CTNND2: variants seen among roughly 807,000 people sequenced by gnomAD.
The protein encoded by CTNND2 is catenin delta 2.
Under a neutral mutation model 144.4 loss-of-function variants are expected in CTNND2, and 22 were observed. The ratio of observed to expected loss-of-function variants is 0.15; its 90% CI spans 0.11 to 0.22. CTNND2 has a LOEUF of 0.22. Ranked by LOEUF, CTNND2 falls within the 10% of genes least tolerant of loss-of-function variation. CTNND2 has a pLI of 1.00. For missense variants in CTNND2, 1,353 were observed against 1,618.8 expected, an observed-to-expected ratio of 0.84 and a Z score of 2.82; for synonymous variants, 751 against 695.6, an observed-to-expected ratio of 1.08 and a Z score of -1.25.
chr5:11,212,831 G>T (rs1738778176), intron 10 of CTNND2, among the ~76,000 whole-genome samples: 1 of 152,176 alleles, frequency 6.6e-6, no homozygotes, highest in African/African-American at 2.4e-5. Context: ...GAGACAGGGA[G>T]CGTGGGGGAT....
At chr5:11,692,575 G>C (rs1784957040) in intron 2 of CTNND2, among the ~76,000 whole-genome samples, 1 of 152,152 alleles carries the variant, frequency 6.6e-6, no homozygotes, top group Non-Finnish European at 1.5e-5. Flanking sequence ...AACGCCATTA[G>C]GTGGAATTTG....
At chr5:11,201,875 G>A (rs1399456167) in intron 10 of CTNND2, among the ~76,000 whole-genome samples, 3 of 152,200 alleles carry the variant, frequency 2.0e-5, no homozygotes, top group Non-Finnish European at 4.4e-5. Context: ...ACCCAAGAGA[G>A]ATGATGTTTG....
At chr5:11,165,614 A>T (rs1201316166) in intron 11 of CTNND2, among the ~76,000 whole-genome samples, 1 of 152,160 alleles carries the variant, frequency 6.6e-6, no homozygotes, top group East Asian at 1.9e-4. Flanking sequence ...ATCAGTGTAA[A>T]ATTATTGCTG....
At position 10,992,573 on chromosome 5, in the gene CTNND2, G is replaced by A. The variant is rs545142229; in HGVS notation, c.3189C>T (p.Arg1063=). The A allele has an allele frequency of 1.4e-5, 22 of 1,613,966 alleles. No homozygotes were observed. The highest frequency in any genetic ancestry group is 3.3e-5 in the Admixed American group (2 of 60,008). The part of the protein sequence containing the change: ...SSRTPSISPV[R]VSPNNRSASA... ...TACCTGAGCGGTTGTTGGGAGACAC[G>A]CGCACAGGGGAGATGGAGGGCGTGC... Residue 1063 remains arginine, a synonymous_variant, in exon 19 of 22, where the codon CGC becomes CGT. Coordinates refer to ENST00000304623, the MANE Select transcript of CTNND2 (RefSeq NM_001332.4).
At chr5:11,094,778 T>C (rs1193969289) in intron 15 of CTNND2, among the ~76,000 whole-genome samples, 1 of 152,214 alleles carries the variant, frequency 6.6e-6, no homozygotes, top group African/African-American at 2.4e-5. Context: ...CTTGCATTTT[T>C]TAACATGTTG....
chr5:11,386,006 G>T (rs1311460177), intron 6 of CTNND2: 1 of 152,138 alleles, frequency 6.6e-6, no homozygotes, highest in Non-Finnish European at 1.5e-5. Flanking sequence ...CTGCAGCTGT[G>T]TCTTCAAACT....
intron 1 of CTNND2, among the ~76,000 whole-genome samples, chr5:11,734,997 G>A (rs1025373337): frequency 4.6e-5 from 7 of 152,148 alleles, no homozygotes; most frequent in African/African-American, 1.7e-4. Flanking sequence ...TATCACCAAT[G>A]GGGATTGGAA....
intron 12 of CTNND2, among the ~76,000 whole-genome samples, chr5:11,145,501 G>C (rs1455743669): frequency 6.6e-6 from 1 of 152,104 alleles, no homozygotes; most frequent in Non-Finnish European, 1.5e-5. Flanking sequence ...TTTTACACCT[G>C]TCCATATCAC....
At chr5:11,586,727 A>G (rs1053701697) in intron 2 of CTNND2, among the ~76,000 whole-genome samples, 1 of 152,210 alleles carries the variant, frequency 6.6e-6, no homozygotes, top group Non-Finnish European at 1.5e-5. Flanking sequence ...CAAATGGGCA[A>G]ATATATATTT....
intron 10 of CTNND2, among the ~76,000 whole-genome samples, chr5:11,214,973 T>C (rs1739021238): frequency 1.3e-5 from 2 of 152,208 alleles, no homozygotes; most frequent in Admixed American, 6.5e-5. Context: ...TCCGCTTCCA[T>C]CCTCACCCAG....
At chr5:11,668,897 C>T (rs1205761870) in intron 2 of CTNND2, among the ~76,000 whole-genome samples, 2 of 151,844 alleles carry the variant, frequency 1.3e-5, no homozygotes, top group African/African-American at 4.8e-5. Flanking sequence ...TAGTGGCTGT[C>T]GGATTACCAT....
chr5:11,316,464 A>AT (rs113458951), intron 9 of CTNND2, among the ~76,000 whole-genome samples: 91 of 60,262 alleles, frequency 1.5e-3, no homozygotes, highest in South Asian at 9.2e-3. Context: ...CTTATCCACT[A>AT]TTTTTTATTA....
At chr5:11,458,075 T>G (rs908810245) in intron 3 of CTNND2, among the ~76,000 whole-genome samples, 1 of 152,142 alleles carries the variant, frequency 6.6e-6, no homozygotes, top group Non-Finnish European at 1.5e-5. Flanking sequence ...AGTTCATATG[T>G]GAAAGAGCCA....
chr5:11,065,969 C>T (rs1747526211), intron 16 of CTNND2, among the ~76,000 whole-genome samples: 1 of 151,980 alleles, frequency 6.6e-6, no homozygotes, highest in African/African-American at 2.4e-5. Context: ...GAATAGGAAA[C>T]ATTTGTCATC....
chr5:11,771,321 A>G (rs1789922654), intron 1 of CTNND2, among the ~76,000 whole-genome samples: 1 of 151,518 alleles, frequency 6.6e-6, no homozygotes, highest in African/African-American at 2.4e-5. Context: ...GCGGGGTTTC[A>G]CCATGTTGGT....
chr5:11,267,747 C>A (rs1378198255), intron 9 of CTNND2, among the ~76,000 whole-genome samples: 1 of 152,184 alleles, frequency 6.6e-6, no homozygotes, highest in Admixed American at 6.5e-5. Flanking sequence ...ATATTTTGCA[C>A]AAACATCTGG....
intron 3 of CTNND2, among the ~76,000 whole-genome samples, chr5:11,499,578 C>T (rs1041290538): frequency 6.6e-6 from 1 of 152,216 alleles, no homozygotes; most frequent in African/African-American, 2.4e-5. Context: ...TCCAAGGCAT[C>T]CTGCCATTTC....
At position 11,184,115 on chromosome 5, in the gene CTNND2, C is replaced by T. The variant is rs547840654; in HGVS notation, c.1975+15333G>A. 1.1e-3 allele frequency among the ~76,000 whole-genome samples: 162 copies of T among 152,308 alleles called. 1 individual carries two copies. The highest frequency in any genetic ancestry group is 3.6e-3 in the African/African-American group (151 of 41,574). ...TCTGAATGCTTTGAAATCAGTATCT[C>T]GCAGTCTTAGATTTCCATGCATATT... On this transcript the variant is annotated intron_variant, in intron 11 of 21. Coordinates refer to ENST00000304623, the MANE Select transcript of CTNND2 (RefSeq NM_001332.4).
At chr5:11,523,047 C>T (rs183804073) in intron 3 of CTNND2, among the ~76,000 whole-genome samples, 1 of 152,228 alleles carries the variant, frequency 6.6e-6, no homozygotes, top group East Asian at 1.9e-4. Context: ...CTTCCCTATG[C>T]CATATGCTAT....
Sources: allele counts gnomAD v4.1 joint callset (sites outside exome capture counted in the v4.1 genomes callset), GRCh38; gene constraint gnomAD v4.1.1; transcripts MANE v1.5; gene names NCBI Gene and HGNC (gene_info 2026-07-23, HGNC 2026-07-21).